SEMA5A: variants seen among roughly 807,000 people sequenced by gnomAD.
The protein encoded by SEMA5A is semaphorin 5A.
SEMA5A carries 55 observed loss-of-function variants against 135.5 expected under a neutral mutation model. That is an observed-to-expected ratio of 0.41 (90% confidence interval 0.33 to 0.51). The LOEUF is 0.51. SEMA5A is among the 20% of genes least tolerant of loss of function. The pLI, the probability that SEMA5A is intolerant of heterozygous loss-of-function variation, is 0.37. For missense variants in SEMA5A, 1,290 were observed against 1,419.9 expected (o/e 0.91, Z 1.47); for synonymous variants, 580 against 546.5 (o/e 1.06, Z -0.85).
chr5:9,144,754 G>T (rs892842786), intron 12 of SEMA5A, among the ~76,000 whole-genome samples: 9 of 152,270 alleles, frequency 5.9e-5, no homozygotes, highest in Non-Finnish European at 1.0e-4. Context: ...AGATGCTCCC[G>T]CTGCTTGGAT....
chr5:9,293,670 T>C (rs1751194931), intron 5 of SEMA5A, among the ~76,000 whole-genome samples: 1 of 152,242 alleles, frequency 6.6e-6, no homozygotes, highest in Non-Finnish European at 1.5e-5. Context: ...CTCTTTTACT[T>C]TTCTTTCTCC....
chr5:9,214,921 C>T (rs1353735183), intron 8 of SEMA5A, among the ~76,000 whole-genome samples: 1 of 152,216 alleles, frequency 6.6e-6, no homozygotes, highest in African/African-American at 2.4e-5. Flanking sequence ...AATAATGAAT[C>T]TTGACTTGCT....
intron 2 of SEMA5A, among the ~76,000 whole-genome samples, chr5:9,431,005 G>T (rs535335210): frequency 6.6e-6 from 1 of 152,240 alleles, no homozygotes; most frequent in Admixed American, 6.5e-5. Flanking sequence ...ATGTAGGAAA[G>T]AAAGGAAATA....
chr5:9,526,737 A>G (rs1447520550), intron 1 of SEMA5A, among the ~76,000 whole-genome samples: 1 of 152,138 alleles, frequency 6.6e-6, no homozygotes, highest in East Asian at 1.9e-4. Flanking sequence ...GCCTGCAGGC[A>G]ATGCTCAGAG....
chr5:9,468,294 C>T (rs760109863), intron 1 of SEMA5A, among the ~76,000 whole-genome samples: 31 of 152,242 alleles, frequency 2.0e-4, no homozygotes, highest in Admixed American at 1.8e-3. Context: ...GTTAGGCAGA[C>T]GCCTTCATTA....
intron 5 of SEMA5A, among the ~76,000 whole-genome samples, chr5:9,248,487 A>G (rs1748590806): frequency 6.6e-6 from 1 of 151,804 alleles, no homozygotes; most frequent in Non-Finnish European, 1.5e-5. Context: ...GCATTGGAGT[A>G]GGATGAACAC....
At chr5:9,408,861 A>C (rs982241221) in intron 2 of SEMA5A, among the ~76,000 whole-genome samples, 22 of 152,158 alleles carry the variant, frequency 1.4e-4, no homozygotes, top group Admixed American at 7.9e-4. Flanking sequence ...CATAGAGTCT[A>C]AGAGATAGCC....
At chr5:9,174,011 G>A (rs1245487389) in intron 11 of SEMA5A, among the ~76,000 whole-genome samples, 1 of 152,192 alleles carries the variant, frequency 6.6e-6, no homozygotes, top group Non-Finnish European at 1.5e-5. Context: ...AAAAAGGAAA[G>A]AGAGATGAAA....
At chr5:9,511,939 A>G (rs1479821386) in intron 1 of SEMA5A, 2 of 152,254 alleles carry the variant, frequency 1.3e-5, no homozygotes, top group Non-Finnish European at 2.9e-5. Flanking sequence ...GGCAGACAAC[A>G]TTATCCTGAC....
intron 11 of SEMA5A, among the ~76,000 whole-genome samples, chr5:9,169,881 A>G (rs1001448926): frequency 2.0e-5 from 3 of 152,214 alleles, no homozygotes; most frequent in Non-Finnish European, 4.4e-5. Context: ...GTGAATATTT[A>G]TTAAGAACTT....
intron 11 of SEMA5A, among the ~76,000 whole-genome samples, chr5:9,174,204 T>C (rs897530147): frequency 6.6e-6 from 1 of 152,222 alleles, no homozygotes; most frequent in Admixed American, 6.5e-5. Context: ...TACAGCTTAC[T>C]GCAGACATTC....
rs761855563 is a variant in SEMA5A at position 9,204,492 on chromosome 5, T to C, written c.647-2252A>G. ...ATGGTTTCCAGCTGAAGGATGAGTT[T>C]ATAATAAAAACAGCTAATATCTGTA... On this transcript the variant is annotated intron_variant, in intron 8 of 22. Transcript: ENST00000382496. The surrounding 1 kb of genome is among the most constrained non-coding windows in gnomAD (Gnocchi z 6.4). Among the ~76,000 whole-genome samples, 1 of 152,198 alleles carries C rather than the reference T, an allele frequency of 6.6e-6. No homozygotes were observed. The highest frequency in any genetic ancestry group is 1.5e-5 in the Non-Finnish European group (1 of 68,038).
intron 13 of SEMA5A, among the ~76,000 whole-genome samples, 191 bp downstream of exon 13, chr5:9,136,313 A>T (rs147140264): frequency 3.3e-5 from 5 of 152,308 alleles, no homozygotes; most frequent in Non-Finnish European, 7.4e-5. Flanking sequence ...AGACAAAAAA[A>T]CCTATAACAG....
chr5:9,221,434 C>T (rs866982040), intron 8 of SEMA5A, among the ~76,000 whole-genome samples: 1 of 150,784 alleles, frequency 6.6e-6, no homozygotes, highest in South Asian at 2.1e-4. Context: ...TCCCGAGTAG[C>T]TGGGACTACA....
intron 8 of SEMA5A, among the ~76,000 whole-genome samples, chr5:9,216,214 C>T (rs992855182): frequency 1.3e-5 from 2 of 152,176 alleles, no homozygotes; most frequent in Non-Finnish European, 2.9e-5. Context: ...ACGCACTTCT[C>T]GATTTCTGCC....
chr5:9,225,512 C>T (rs964740781), intron 7 of SEMA5A, among the ~76,000 whole-genome samples: 4 of 146,062 alleles, frequency 2.7e-5, no homozygotes, highest in South Asian at 4.3e-4. Context: ...GATGTTGCAG[C>T]GAGCCAAAAT....
intron 2 of SEMA5A, among the ~76,000 whole-genome samples, chr5:9,381,977 TGTGTGCGCGCGC>T (rs772615160): frequency 0.093 from 11,106 of 119,078 alleles, 484 homozygotes; most frequent in African/African-American, 0.14. Flanking sequence ...TGTGTGTGTG[TGTGTGCGCGCGC>T]GCGCACATCA....
rs149976984 is a variant in SEMA5A, at chr5:9,197,195, C to A, written c.1041G>T (p.Pro347=). ...YQENSRSAWL[P]YPNPNPHFQC... is the part of the protein sequence containing the mutation. ...GGAAGTGGGGGTTTGGGTTGGGATA[C>A]GGTAGCCAGGCCGAGCGCGAGTTTT... The change falls in exon 10 of 23, where the codon CCG becomes CCT. Residue 347 remains proline, a synonymous_variant. Transcript: ENST00000382496. 1.2e-6 allele frequency: 2 copies of A among 1,614,086 alleles called. No homozygotes were observed. The highest frequency in any genetic ancestry group is 1.7e-6 in the Non-Finnish European group (2 of 1,180,034).
rs540611285 is a variant in SEMA5A at position 9,356,331 on chromosome 5, C to A, written c.125-18519G>T. On this transcript the variant is annotated intron_variant, in intron 3 of 22. Transcript: ENST00000382496. The stretch of plus-strand genomic sequence containing the variant: ...GTTGGTGTGTGTGCATGTGCGTGCA[C>A]ACACACAAGTGAAGAGTGTTTAGTT... 5.3e-5 allele frequency among the ~76,000 whole-genome samples: 8 copies of A among 152,276 alleles called. No individual in the cohort carries two copies. The East Asian group carries it at 1.5e-3, about 29-fold the overall frequency.
Sources: gnomAD v4.1 joint callset for allele counts (sites outside exome capture counted in the v4.1 genomes callset) on GRCh38, gnomAD v4.1.1 for gene constraint, Gnocchi (gnomAD v3.1) non-coding constraint, MANE v1.5 for transcripts, NCBI Gene and HGNC (gene_info 2026-07-23, HGNC 2026-07-21) for gene names.